The following ABL1 variants were observed in gnomAD, a reference collection of about 807,000 sequenced individuals.
The protein encoded by ABL1 is ABL proto-oncogene 1, non-receptor tyrosine kinase.
Under a neutral mutation model 94.7 loss-of-function variants are expected in ABL1, and 11 were observed. The ratio of observed to expected loss-of-function variants is 0.12; its 90% CI spans 0.07 to 0.19. ABL1 has a LOEUF of 0.19. ABL1 is among the 10% of genes least tolerant of loss of function. The probability of loss-of-function intolerance (pLI) is 1.00; values close to 1 mark genes in which losing one functional copy is unlikely to be tolerated. For missense variants in ABL1, 1,082 were observed against 1,489.4 expected (o/e 0.73, Z 4.50); for synonymous variants, 656 against 622.4 (o/e 1.05, Z -0.80).
At chr9:130,836,440 C>G (rs1277684013) in intron 1 of ABL1, among the ~76,000 whole-genome samples, 4 of 152,108 alleles carry the variant, frequency 2.6e-5, no homozygotes, top group Non-Finnish European at 5.9e-5. Context: ...ACTGGTGCTC[C>G]CAGACCATTG....
intron 6 of ABL1, 129 bp from the exon 7 acceptor site, chr9:130,874,739 A>G: frequency 1.0e-6 from 1 of 962,504 alleles, no homozygotes; most frequent in East Asian, 2.4e-5. Context: ...CGTGGGCATT[A>G]ATACAAACTT....
intron 1 of ABL1, among the ~76,000 whole-genome samples, chr9:130,794,875 A>G (rs1249079801): frequency 6.6e-6 from 1 of 152,184 alleles, no homozygotes; most frequent in Non-Finnish European, 1.5e-5. Flanking sequence ...AAAAGTGTGC[A>G]TTTTAGAGTT....
intron 1 of ABL1, among the ~76,000 whole-genome samples, chr9:130,764,754 G>A (rs562517022): frequency 2.0e-5 from 3 of 152,154 alleles, no homozygotes; most frequent in East Asian, 1.9e-4. Context: ...TCAGGAGTTC[G>A]AGATCAGCCT....
chr9:130,819,513 A>G (rs1400213885), intron 1 of ABL1, among the ~76,000 whole-genome samples: 1 of 150,260 alleles, frequency 6.7e-6, no homozygotes, highest in Non-Finnish European at 1.5e-5. Context: ...AAATGAGACC[A>G]GGAAGTGAAG....
intron 1 of ABL1, among the ~76,000 whole-genome samples, chr9:130,753,927 T>G (rs1041547891): frequency 6.6e-6 from 1 of 151,448 alleles, no homozygotes; most frequent in Non-Finnish European, 1.5e-5. Context: ...TTATTGTCGC[T>G]GGGCGCGGTG....
chr9:130,867,075 C>A (rs1237915504), intron 4 of ABL1, among the ~76,000 whole-genome samples: 2 of 152,200 alleles, frequency 1.3e-5, no homozygotes, highest in East Asian at 1.9e-4. Flanking sequence ...TTGGAAAAGA[C>A]CGCTGGTGAT....
In ABL1 at chr9:130,835,377, C is replaced by T. The variant is rs533688531; in HGVS notation, c.-70C>T. 1.8e-5 allele frequency: 20 copies of T among 1,091,176 alleles called. No individual in the cohort carries two copies. The Admixed American group carries it at 4.7e-4, about 26-fold the overall frequency. The allele number at this position is 1,091,176 out of a possible 1,614,324, so 67.6% of individuals were successfully genotyped here. ...CGCCGGGGGGGCGCGCGGGCCGAGC[C>T]GGGCCTGAGCCGGGCCCGCGGACCG... is the stretch of plus-strand genomic sequence containing the variant. On this transcript the variant is annotated 5_prime_UTR_variant, in exon 1 of 11. Coordinates refer to ENST00000318560, the MANE Select transcript of ABL1 (RefSeq NM_005157.6). This position sits in a 1 kb window ranked among gnomAD's most constrained non-coding sequence, Gnocchi z 4.6.
intron 4 of ABL1, among the ~76,000 whole-genome samples, chr9:130,871,907 C>T (rs1831256984): frequency 2.6e-5 from 4 of 152,258 alleles, no homozygotes; most frequent in Admixed American, 2.6e-4. Context: ...GCCCTGTTGC[C>T]TGGGGGAGAA....
At chr9:130,767,278 C>T (rs1246006233) in intron 1 of ABL1, among the ~76,000 whole-genome samples, 3 of 152,196 alleles carry the variant, frequency 2.0e-5, no homozygotes, top group East Asian at 1.9e-4. Flanking sequence ...AGTCCCTTTG[C>T]GATCCCATTC....
chr9:130,784,603 A>G (rs566626757), intron 1 of ABL1, among the ~76,000 whole-genome samples: 33 of 152,290 alleles, frequency 2.2e-4, no homozygotes, highest in Middle Eastern at 3.4e-3. Flanking sequence ...GCCCTGGCCT[A>G]TGCTTGCTGC....
At chr9:130,738,514 T>G (rs1564274461) in intron 1 of ABL1, among the ~76,000 whole-genome samples, 1 of 152,280 alleles carries the variant, frequency 6.6e-6, no homozygotes, top group Admixed American at 6.5e-5. Context: ...AAACATGACA[T>G]GAGTGATGGT....
intron 1 of ABL1, among the ~76,000 whole-genome samples, chr9:130,776,632 T>C (rs1207928177): frequency 6.6e-6 from 1 of 150,724 alleles, no homozygotes; most frequent in Non-Finnish European, 1.5e-5. Flanking sequence ...CTTTGGGGGC[T>C]GCCTGTTGGT....
rs901212696 is a variant in ABL1 at position 130,880,949 on chromosome 9, C to T, written c.1678+285C>T. On this transcript the variant is annotated intron_variant, in intron 10 of 10. Coordinates refer to ENST00000318560, the MANE Select transcript of ABL1 (RefSeq NM_005157.6). This position sits in a 1 kb window ranked among gnomAD's most constrained non-coding sequence, Gnocchi z 4.4. ...CGCCAAGGAGCTAGCCCATCTCCCA[C>T]CTATTACCCGCGGCATCTGTGGTTG... Among the ~76,000 whole-genome samples the T allele has an allele frequency of 1.2e-4, 18 of 152,232 alleles. No homozygotes were observed. Among genetic ancestry groups the T allele is most frequent in the African/African-American group, 3.1e-4 (13 of 41,458 alleles).
chr9:130,870,453 G>A (rs1321343695), intron 4 of ABL1, among the ~76,000 whole-genome samples: 1 of 152,182 alleles, frequency 6.6e-6, no homozygotes, highest in East Asian at 1.9e-4. Flanking sequence ...TCCTTTGAGA[G>A]CTACTTTTTA....
intron 1 of ABL1, among the ~76,000 whole-genome samples, chr9:130,793,035 A>G (rs554177459): frequency 8.8e-4 from 134 of 152,010 alleles, no homozygotes; most frequent in Non-Finnish European, 1.8e-3. Flanking sequence ...CAGCAATTCT[A>G]TTGCCTCAGC....
chr9:130,800,711 T>C (rs1264537223), intron 1 of ABL1, among the ~76,000 whole-genome samples: 1 of 152,206 alleles, frequency 6.6e-6, no homozygotes, highest in African/African-American at 2.4e-5. Flanking sequence ...TTTACTCCTG[T>C]TGTATGTATT....
At chr9:130,821,299 C>T (rs1239617337) in intron 1 of ABL1, among the ~76,000 whole-genome samples, 1 of 152,112 alleles carries the variant, frequency 6.6e-6, no homozygotes, top group African/African-American at 2.4e-5. Context: ...AGCAGTCCTA[C>T]CCCCACTTCC....
At chr9:130,824,816 G>C (rs1004583967) in intron 1 of ABL1, among the ~76,000 whole-genome samples, 2 of 152,136 alleles carry the variant, frequency 1.3e-5, no homozygotes, top group African/African-American at 4.8e-5. Context: ...CTCTTGTTCA[G>C]TTAATATGTA....
At chr9:130,713,793 G>A (rs1831401926) in exon 1 of ABL1, among the ~76,000 whole-genome samples, 1 of 152,194 alleles carries the variant, frequency 6.6e-6, no homozygotes, top group Non-Finnish European at 1.5e-5. Flanking sequence ...GGTGACCCGT[G>A]TCCTTTTCCG....
Sources: allele counts gnomAD v4.1 joint callset (sites outside exome capture counted in the v4.1 genomes callset), GRCh38; gene constraint gnomAD v4.1.1; non-coding constraint Gnocchi (gnomAD v3.1); transcripts MANE v1.5; gene names NCBI Gene and HGNC (gene_info 2026-07-23, HGNC 2026-07-21).